Variants in PDK1 observed in about 807,000 individuals in gnomAD.
The protein encoded by PDK1 is pyruvate dehydrogenase kinase 1, also known as [Pyruvate dehydrogenase (acetyl-transferring)] kinase isozyme 1, mitochondrial.
Under a neutral mutation model 54.2 loss-of-function variants are expected in PDK1, and 39 were observed. That is an observed-to-expected ratio of 0.72 (90% confidence interval 0.56 to 0.94). The LOEUF (loss-of-function observed/expected upper bound fraction) is 0.94, where lower values mean the gene tolerates loss of function less well. PDK1 is among the 40% of genes least tolerant of loss of function. The pLI is 0.00. For missense variants in PDK1, 552 were observed against 566.0 expected, an observed-to-expected ratio of 0.98 and a Z score of 0.25; for synonymous variants, 221 against 207.1, an observed-to-expected ratio of 1.07 and a Z score of -0.58.
At chr2:172,586,686 T>C (rs1045613061) in intron 9 of PDK1, among the ~76,000 whole-genome samples, 29 of 152,202 alleles carry the variant, frequency 1.9e-4, no homozygotes, top group Non-Finnish European at 2.2e-4. Flanking sequence ...TTATTTCTAA[T>C]GTGGGGAATA....
the PDK1 span, among the ~76,000 whole-genome samples, chr2:172,661,494 G>A: frequency 1.3e-5 from 2 of 152,290 alleles, no homozygotes; most frequent in East Asian, 1.9e-4. Flanking sequence ...ATTCAGTGAC[G>A]TCAGCCATGA....
At chr2:172,689,446 T>G in the PDK1 span, among the ~76,000 whole-genome samples, 55 of 152,208 alleles carry the variant, frequency 3.6e-4, no homozygotes, top group African/African-American at 1.3e-3. Flanking sequence ...ATAGATTTAA[T>G]GCCATCCCTA....
At chr2:172,673,012 G>C in the PDK1 span, among the ~76,000 whole-genome samples, 1 of 152,174 alleles carries the variant, frequency 6.6e-6, no homozygotes, top group African/African-American at 2.4e-5. Flanking sequence ...GGCAGAAGGA[G>C]AGACTGAGGC....
At chr2:172,670,161 G>A in the PDK1 span, among the ~76,000 whole-genome samples, 4 of 152,102 alleles carry the variant, frequency 2.6e-5, no homozygotes, top group South Asian at 2.1e-4. Flanking sequence ...CAAGTGATTC[G>A]CCCACGTTAG....
the PDK1 span, among the ~76,000 whole-genome samples, chr2:172,687,008 T>C: frequency 5.9e-3 from 905 of 152,346 alleles, 8 homozygotes; most frequent in African/African-American, 0.02. Context: ...TATAACAATT[T>C]TTAGGAATAT....
rs1691113149 is a variant in PDK1, at chr2:172,601,463, C to T, written c.*5494C>T. ...TAATTGGATCATGGGGTTGGTTTCTCCCATGCTGTTCTCGTGATAGTTCCC... is the reference window on the plus strand; with the variant it reads ...TAATTGGATCATGGGGTTGGTTTCTTCCATGCTGTTCTCGTGATAGTTCCC... On this transcript the variant is annotated 3_prime_UTR_variant, in exon 11 of 11. Transcript: ENST00000282077. The T allele has an allele frequency of 6.6e-6, 1 of 152,126 alleles. No individual in the cohort carries two copies. The highest frequency in any genetic ancestry group is 1.5e-5 in the Non-Finnish European group (1 of 68,026). The allele number at this position is 152,126 out of a possible 1,614,324, so 9.4% of individuals were successfully genotyped here. A position where few individuals can be genotyped will look rare whatever the true frequency, so the allele number is the denominator to read the frequency against.
At chr2:172,667,055 C>T in the PDK1 span, among the ~76,000 whole-genome samples, 1 of 152,148 alleles carries the variant, frequency 6.6e-6, no homozygotes, top group African/African-American at 2.4e-5. Context: ...CTGGGCTTTT[C>T]GTGTAACCAT....
the PDK1 span, among the ~76,000 whole-genome samples, chr2:172,655,565 C>T: frequency 2.0e-5 from 3 of 152,242 alleles, no homozygotes; most frequent in African/African-American, 7.2e-5. Flanking sequence ...TGGATCATTT[C>T]TTGGTCATTC....
chr2:172,586,551 C>CT lies in PDK1; in HGVS notation c.1056+175dup, dbSNP rs34362917. On this transcript the variant is annotated intron_variant, in intron 9 of 10. Transcript: ENST00000282077. ...CTAAATTTAAACAGCCTTCAGAATA[C>CT]TTTTTTTTTTTTCCAACTGAAATGG... Among the ~76,000 whole-genome samples the CT allele has an allele frequency of 5.6e-3, 822 of 147,490 alleles. 9 individuals are homozygous for CT. The highest frequency in any genetic ancestry group is 0.017 in the African/African-American group (699 of 40,504).
the PDK1 span, among the ~76,000 whole-genome samples, chr2:172,633,217 A>G: frequency 2.8e-4 from 41 of 146,332 alleles, 2 homozygotes; most frequent in East Asian, 8.2e-3. Flanking sequence ...TAATTAAAAA[A>G]AATTTTTTTT....
At chr2:172,570,899 C>T (rs544653553) in intron 8 of PDK1, 75 bp downstream of exon 8, 196 of 792,518 alleles carry the variant, frequency 2.5e-4, no homozygotes, top group African/African-American at 2.1e-3. Flanking sequence ...GGTAACCATA[C>T]GCATAATTTC....
the PDK1 span, among the ~76,000 whole-genome samples, chr2:172,642,782 C>T: frequency 1.9e-5 from 2 of 105,260 alleles, no homozygotes; most frequent in African/African-American, 3.2e-5. Context: ...TCTCCTCCTC[C>T]TCCCACTCCT....
the PDK1 span, among the ~76,000 whole-genome samples, chr2:172,697,173 T>A: frequency 6.6e-6 from 1 of 151,966 alleles, no homozygotes; most frequent in Non-Finnish European, 1.5e-5. Context: ...CTTAAGAAAA[T>A]CTAGTTCTCT....
At chr2:172,634,846 C>G in the PDK1 span, among the ~76,000 whole-genome samples, 1 of 150,160 alleles carries the variant, frequency 6.7e-6, no homozygotes, top group African/African-American at 2.5e-5. Context: ...TCTAAGGAAA[C>G]TTTACCCTTT....
the PDK1 span, among the ~76,000 whole-genome samples, chr2:172,623,801 A>T: frequency 1.6e-4 from 25 of 152,348 alleles, no homozygotes; most frequent in African/African-American, 5.8e-4. Context: ...GACTTACACA[A>T]TGGAAATGTT....
chr2:172,645,864 A>G, the PDK1 span, among the ~76,000 whole-genome samples: 1 of 152,240 alleles, frequency 6.6e-6, no homozygotes, highest in African/African-American at 2.4e-5. Context: ...CAGTTTGATC[A>G]TGCAGTAATA....
Position 172,606,709 on chromosome 2 carries a change from GGTA to G in PDK1, c.*10743_*10745del, listed in dbSNP as rs1691306574. 6.7e-6 allele frequency: 1 copy of G among 149,940 alleles called. No individual in the cohort carries two copies. The highest frequency in any genetic ancestry group is 2.0e-4 in the East Asian group (1 of 5,052). The allele number at this position is 149,940 out of a possible 1,614,324, so 9.3% of individuals were successfully genotyped here. A position where few individuals can be genotyped will look rare whatever the true frequency, so the allele number is the denominator to read the frequency against. On this transcript the variant is annotated 3_prime_UTR_variant, in exon 11 of 11. Coordinates refer to ENST00000282077, the MANE Select transcript of PDK1 (RefSeq NM_002610.5). The stretch of plus-strand genomic sequence containing the variant: ...GCTCTGTGGTAGCAGAGAGAATGGT[GGTA>G]GTTTATTTTTTCTTTCCTTTTTTTT...
At chr2:172,712,853 G>T in the PDK1 span, among the ~76,000 whole-genome samples, 7 of 152,302 alleles carry the variant, frequency 4.6e-5, no homozygotes, top group African/African-American at 1.4e-4. Flanking sequence ...CCAAGTTCTT[G>T]TCCCACATCC....
At chr2:172,645,215 G>A in the PDK1 span, among the ~76,000 whole-genome samples, 3 of 136,980 alleles carry the variant, frequency 2.2e-5, no homozygotes, top group African/African-American at 8.0e-5. Flanking sequence ...GATGACATTG[G>A]ATAAACATTT....
Sources: allele counts gnomAD v4.1 joint callset (sites outside exome capture counted in the v4.1 genomes callset), GRCh38; gene constraint gnomAD v4.1.1; transcripts MANE v1.5; gene names NCBI Gene and HGNC (gene_info 2026-07-23, HGNC 2026-07-21).